Variants in ABCB8 observed in about 807,000 individuals in gnomAD.
ABCB8 encodes mitochondrial potassium channel ATP-binding subunit.
A neutral mutation model predicts 73.0 loss-of-function variants in ABCB8; 52 were observed. The ratio of observed to expected loss-of-function variants is 0.71; its 90% CI spans 0.57 to 0.90. ABCB8 has a LOEUF of 0.90. Among genes scored for constraint, ABCB8 ranks in the 40% least tolerant of loss-of-function variants. The pLI is 0.00. For synonymous variants in ABCB8, 428 were observed against 423.5 expected (o/e 1.01, Z -0.13); for missense variants, 909 against 974.6 (o/e 0.93, Z 0.90).
At chr7:151,031,208 G>C in intron 1 of ABCB8, 2 of 1,355,740 alleles carry the variant, frequency 1.5e-6, no homozygotes, top group East Asian at 5.0e-5. Context: ...AGTTCTGCCA[G>C]TGCTGTCTAA....
chr7:151,034,894 A>T, intron 5 of ABCB8, 65 bp downstream of exon 5: 1 of 1,442,556 alleles, frequency 6.9e-7, no homozygotes, highest in Non-Finnish European at 9.6e-7. Context: ...TCACCAGGCC[A>T]GCCCTGCCCG....
intron 8 of ABCB8, 90 bp downstream of exon 8, chr7:151,036,260 T>TGCTG (rs2117218963): frequency 7.6e-7 from 1 of 1,315,424 alleles, no homozygotes; most frequent in East Asian, 2.5e-5. Context: ...TCCCTTCATC[T>TGCTG]GCTGGCTGCC....
chr7:151,044,897 C>G (rs145669370), intron 15 of ABCB8, among the ~76,000 whole-genome samples: 13 of 152,212 alleles, frequency 8.5e-5, no homozygotes, highest in Admixed American at 8.5e-4. Flanking sequence ...TGGCTAACAG[C>G]CACTCATTCA....
intron 1 of ABCB8, among the ~76,000 whole-genome samples, chr7:151,031,807 G>C (rs58019625): frequency 0.083 from 12,671 of 151,946 alleles, 748 homozygotes; most frequent in African/African-American, 0.16. Context: ...ATTTTTAGTA[G>C]AGACAAGGTT....
chr7:151,029,386 GAGAC>G (rs200929404), intron 1 of ABCB8, among the ~76,000 whole-genome samples: 2,780 of 151,856 alleles, frequency 0.018, 58 homozygotes, highest in African/African-American at 0.06. Context: ...TCGAGAGAGA[GAGAC>G]AGACAGACAG....
rs761485323 is a variant in ABCB8, at chr7:151,028,586, G to C, written c.71G>C (p.Arg24Pro). 4.3e-6 allele frequency: 7 copies of C among 1,613,754 alleles called. No homozygotes were observed. The highest frequency in any genetic ancestry group is 5.1e-6 in the Non-Finnish European group (6 of 1,180,034). The change falls in exon 1 of 16, where the codon CGC becomes CCC. Residue 24 changes from arginine (R) to proline (P), a missense_variant. Coordinates refer to ENST00000358849, the MANE Select transcript of ABCB8 (RefSeq NM_007188.5). ...PFPGRLLPPL[R>P]FQTFSAVRYS... ...CCAGGCAGGCTGCTACCGCCCCTCC[G>C]CTTCCAGACATTCTCAGCTGTCAGG...
chr7:151,044,368 C>G (rs1318605961), intron 15 of ABCB8, 147 bp downstream of exon 15: 1 of 1,344,548 alleles, frequency 7.4e-7, no homozygotes, highest in East Asian at 2.3e-5. Context: ...CATATAGAGT[C>G]AGGAGTTCCT....
At chr7:151,036,493 G>A (rs1796312742) in intron 8 of ABCB8, 51 bp from the exon 9 acceptor site, 3 of 1,468,408 alleles carry the variant, frequency 2.0e-6, no homozygotes, top group Admixed American at 1.7e-5. Context: ...CAGGCCCAGG[G>A]CTGTTTCCTC....
chr7:151,041,071 C>G (rs149127201), intron 12 of ABCB8, 28 bp from the exon 13 acceptor site: 15 of 1,613,446 alleles, frequency 9.3e-6, no homozygotes, highest in Non-Finnish European at 1.3e-5. Context: ...AATCCCTGGC[C>G]TCCCTCCCTC....
rs371116709 is a variant in ABCB8 at position 151,034,501 on chromosome 7, G to T, written c.565-4G>T. On this transcript the variant is annotated splice_polypyrimidine_tract_variant and splice_region_variant and intron_variant, in intron 3 of 15. Transcript: ENST00000358849. ...ATCCCTGAGTGCACTGGGCTCTTTC[G>T]CAGGGACTGCTGACCTTCGGGTACC... The T allele has an allele frequency of 1.3e-4, 203 of 1,613,384 alleles. No homozygotes were observed. The African/African-American group carries it at 2.4e-3, about 19-fold the overall frequency.
chr7:151,042,141 T>G, intron 14 of ABCB8, 33 bp downstream of exon 14: 1 of 1,608,090 alleles, frequency 6.2e-7, no homozygotes, highest in Non-Finnish European at 8.5e-7. Context: ...AACCAGGTGG[T>G]GAGGCACTGG....
Position 151,044,156 on chromosome 7 carries a change from C to T in ABCB8, c.1951C>T (p.His651Tyr), listed in dbSNP as rs1796551436. The change falls in exon 15 of 16, where the codon CAC becomes TAC. Residue 651 changes from histidine (H) to tyrosine (Y), a missense_variant. Physicochemically the swap from His to Tyr is moderately conservative, Grantham distance 83 (BLOSUM62 2). Coordinates refer to ENST00000358849, the MANE Select transcript of ABCB8 (RefSeq NM_007188.5). ...AGGCCGCACGGTGCTGGTAATTGCC[C>T]ACCGGCTCAGCACTGTCCGTGGGGC... ...SAGRTVLVIA[H>Y]RLSTVRGAHC... 2 of 1,613,958 alleles carry T rather than the reference C, an allele frequency of 1.2e-6. No homozygotes were observed. Among genetic ancestry groups the T allele is most frequent in the Non-Finnish European group, 1.7e-6 (2 of 1,179,902 alleles).
chr7:151,034,932 C>T (rs1040450106), intron 5 of ABCB8, 103 bp downstream of exon 5: 60 of 1,014,716 alleles, frequency 5.9e-5, no homozygotes, highest in Middle Eastern at 3.1e-4. Flanking sequence ...GGCTGACAGG[C>T]GCATGCTGAC....
intron 2 of ABCB8, 132 bp from the exon 3 acceptor site, chr7:151,034,141 C>A: frequency 8.3e-7 from 1 of 1,208,488 alleles, no homozygotes; most frequent in Non-Finnish European, 1.1e-6. Flanking sequence ...ACTGATGTGT[C>A]CACATGACCA....
chr7:151,035,900 G>C lies in ABCB8; in HGVS notation c.946G>C (p.Val316Leu). The change falls in exon 7 of 16, where the codon GTA becomes CTA. Residue 316 changes from valine to leucine, a missense_variant. Val to Leu is a conservative substitution (Grantham distance 32). Coordinates refer to ENST00000358849, the MANE Select transcript of ABCB8 (RefSeq NM_007188.5). ...CQEQIARAMGVADEALGNVRT... is the reference protein window; with the variant it reads ...CQEQIARAMGLADEALGNVRT... ...CTTGCAGATCGCCAGGGCAATGGGCGTAGCAGACGAGGCCCTGGGCAATGT... is the reference window on the plus strand; with the variant it reads ...CTTGCAGATCGCCAGGGCAATGGGCCTAGCAGACGAGGCCCTGGGCAATGT... 1 of 1,613,622 alleles carries C rather than the reference G, an allele frequency of 6.2e-7. No individual in the cohort carries two copies. The highest frequency in any genetic ancestry group is 8.5e-7 in the Non-Finnish European group (1 of 1,180,044).
chr7:151,029,076 C>A, intron 1 of ABCB8: 1 of 979,480 alleles, frequency 1.0e-6, no homozygotes, highest in Non-Finnish European at 1.3e-6. Context: ...GTAATCCCAG[C>A]ACTTTGGAAG....
chr7:151,035,700 G>A lies in ABCB8; in HGVS notation c.885G>A (p.Met295Ile), dbSNP rs140337671. The A allele has an allele frequency of 6.8e-6, 11 of 1,613,486 alleles. No individual in the cohort carries two copies. The highest frequency in any genetic ancestry group is 1.3e-5 in the African/African-American group (1 of 74,934). The change falls in exon 6 of 16, where the codon ATG (methionine) becomes ATA (isoleucine). Residue 295 changes from methionine to isoleucine, a missense_variant. By Grantham distance (10) the Met-to-Ile change is conservative (BLOSUM62 1). Coordinates refer to ENST00000358849, the MANE Select transcript of ABCB8 (RefSeq NM_007188.5). Reference protein sequence around the residue: ...TPALMGVGTLMGSGLRKLSRQ... With the variant: ...TPALMGVGTLIGSGLRKLSRQ... ...CCCTGATGGGAGTGGGCACCCTGATGGGCTCAGGCCTCCGAAAATTGTCTC... is the reference window on the plus strand; with the variant it reads ...CCCTGATGGGAGTGGGCACCCTGATAGGCTCAGGCCTCCGAAAATTGTCTC...
intron 13 of ABCB8, 35 bp from the exon 14 acceptor site, chr7:151,041,926 C>T: frequency 6.2e-7 from 1 of 1,606,830 alleles, no homozygotes; most frequent in South Asian, 1.1e-5. Flanking sequence ...GAGAATGTTT[C>T]TATGGACTCT....
At chr7:151,028,828 C>G (rs771803719) in intron 1 of ABCB8, 1 of 1,556,916 alleles carries the variant, frequency 6.4e-7, no homozygotes, top group Non-Finnish European at 8.6e-7. Context: ...AGCCGCGTGT[C>G]AGCCAGAAGG....
Sources: allele counts gnomAD v4.1 joint callset (sites outside exome capture counted in the v4.1 genomes callset), GRCh38; gene constraint gnomAD v4.1.1; transcripts MANE v1.5; gene names NCBI Gene and HGNC (gene_info 2026-07-23, HGNC 2026-07-21).